Variants in NTN5 observed in about 807,000 individuals in gnomAD.
NTN5 encodes netrin 5.
A neutral mutation model predicts 38.7 loss-of-function variants in NTN5; 42 were observed. That is an observed-to-expected ratio of 1.08 (90% confidence interval 0.85 to 1.40). NTN5 has a LOEUF of 1.40. Ranked by LOEUF, NTN5 falls within the 40% of genes most tolerant of loss-of-function variation. NTN5 has a pLI of 0.00. For missense variants in NTN5, 658 were observed against 716.5 expected, an observed-to-expected ratio of 0.92 and a Z score of 0.93; for synonymous variants, 329 against 303.9, an observed-to-expected ratio of 1.08 and a Z score of -0.86.
intron 2 of NTN5, chr19:48,667,376 G>T (rs1162359220): frequency 1.7e-5 from 7 of 424,036 alleles, no homozygotes; most frequent in Middle Eastern, 3.4e-4. Context: ...TGCTCAGTCT[G>T]GGGGGATGTG....
At chr19:48,666,853 T>A (rs1251300285) in intron 2 of NTN5, among the ~76,000 whole-genome samples, 1 of 151,584 alleles carries the variant, frequency 6.6e-6, no homozygotes, top group Admixed American at 6.6e-5. Context: ...CAGGCTACTT[T>A]AAAATTTTTT....
chr19:48,670,520 C>A lies in NTN5; in HGVS notation c.467G>T (p.Arg156Leu). The change falls in exon 2 of 7, where the codon CGC (arginine) becomes CTC (leucine). Residue 156 changes from arginine (R) to leucine (L), a missense_variant. Transcript: ENST00000270235. ...GGCAGCGTGGCCATGACACTGGCAG[C>A]GGCCTCTCAGCCCAGCTGCCGCTAG... ...AGLAAAGLRG[R>L]CQCHGHAARC... 1.3e-6 allele frequency: 2 copies of A among 1,486,128 alleles called. No individual in the cohort carries two copies. Among genetic ancestry groups the A allele is most frequent in the Middle Eastern group, 2.2e-4 (1 of 4,448 alleles). The allele number at this position is 1,486,128 out of a possible 1,614,324, so 92.1% of individuals were successfully genotyped here. A position where few individuals can be genotyped will look rare whatever the true frequency, so the allele number is the denominator to read the frequency against.
intron 2 of NTN5, among the ~76,000 whole-genome samples, chr19:48,669,147 T>TCAC (rs1367433050): frequency 9.3e-5 from 7 of 75,360 alleles, no homozygotes; most frequent in East Asian, 4.7e-4. Context: ...ATCACCATCA[T>TCAC]CACCACCATC....
chr19:48,672,910 G>A (rs948257572), intron 1 of NTN5, 22 bp downstream of exon 1: 3 of 219,116 alleles, frequency 1.4e-5, no homozygotes, highest in African/African-American at 7.0e-5. Context: ...CCCGAGCCCT[G>A]AGGCCCCGAC....
At chr19:48,669,798 T>TCACCACCATCAC (rs2031878302) in intron 2 of NTN5, among the ~76,000 whole-genome samples, 1 of 52,450 alleles carries the variant, frequency 1.9e-5, no homozygotes, top group Non-Finnish European at 3.9e-5. Context: ...ACCATCACCA[T>TCACCACCATCAC]CACCACCATC....
rs535074973 is a variant in NTN5, at chr19:48,670,843, G to A, written c.144C>T (p.Ala48=). 1.2e-6 allele frequency: 2 copies of A among 1,612,978 alleles called. No individual in the cohort carries two copies. Among genetic ancestry groups the A allele is most frequent in the Non-Finnish European group, 1.7e-6 (2 of 1,179,926 alleles). The change falls in exon 2 of 7, where the codon GCC becomes GCT. Residue 48 remains alanine, a synonymous_variant. Transcript: ENST00000270235. ...CGCCAAGGTGGTTTCCTGGGGACAG[G>A]GCACAGGCCTGAGGGCAGGAGGCCG... ...AVAASCPQAC[A]LSPGNHLGAR...
chr19:48,664,457 C>G (rs1243886962), intron 3 of NTN5, 122 bp downstream of exon 3: 6 of 1,214,378 alleles, frequency 4.9e-6, no homozygotes, highest in Non-Finnish European at 6.7e-6. Flanking sequence ...GGCCCAGAGT[C>G]CAGGCCCCCA....
Position 48,661,504 on chromosome 19 carries a change from G to A in NTN5, c.*173C>T. ...AATGTTGGGACCAGAAGTCCCGCTT[G>A]CCGCCTTTTGCTAAAAGTTCCGCAC... On this transcript the variant is annotated 3_prime_UTR_variant, in exon 7 of 7. Transcript: ENST00000270235. The A allele has an allele frequency of 1.4e-6, 1 of 701,598 alleles. No homozygotes were observed. The highest frequency in any genetic ancestry group is 2.1e-6 in the Non-Finnish European group (1 of 487,360). 43.5% of individuals were successfully genotyped at this position (701,598 alleles called of 1,614,324 possible). A position where few individuals can be genotyped will look rare whatever the true frequency, so the allele number is the denominator to read the frequency against.
At chr19:48,666,677 C>CTT (rs35638493) in intron 2 of NTN5, among the ~76,000 whole-genome samples, 7 of 41,162 alleles carry the variant, frequency 1.7e-4, no homozygotes, top group Admixed American at 3.2e-4. Context: ...ACAGACCACT[C>CTT]TTTTTTTTTT....
At chr19:48,663,673 G>C (rs1220713484) in intron 5 of NTN5, 88 bp downstream of exon 5, 1 of 1,513,364 alleles carries the variant, frequency 6.6e-7, no homozygotes, top group Non-Finnish European at 9.2e-7. Flanking sequence ...GGCTCAATGG[G>C]TGACCCATGT....
rs1192164689 is a variant in NTN5, at chr19:48,670,727, G to T, written c.260C>A (p.Pro87His). ...GGCAGCAGACAGGATGAGGGCTGGG[G>T]GTCCTGGGGTACAGAAGCGCAAGCT... is the stretch of plus-strand genomic sequence containing the variant. ...SVSLRFCTPG[P>H]PALILSAAWA... Residue 87 changes from proline to histidine, a missense_variant, in exon 2 of 7, where the codon CCC becomes CAC. By Grantham distance (77) the Pro-to-His change is moderately conservative (BLOSUM62 -2). Coordinates refer to ENST00000270235, the MANE Select transcript of NTN5 (RefSeq NM_145807.4). 3 of 1,612,824 alleles carry T rather than the reference G, an allele frequency of 1.9e-6. No homozygotes were observed. The highest frequency in any genetic ancestry group is 1.6e-4 in the Middle Eastern group (1 of 6,062).
In NTN5 at chr19:48,670,913, C is replaced by T. The variant is rs139966788; in HGVS notation, c.74G>A (p.Arg25His). ...TADPCYDPQG[R>H]PQFCLPPVTQ... ...CACTGGCGGGAGGCAGAATTGGGGG[C>T]GGCCCTGTGGATCGTAGCATGGGTC... Residue 25 changes from arginine (R) to histidine (H), a missense_variant, in exon 2 of 7, where the codon CGC becomes CAC. By Grantham distance (29) the Arg-to-His change is conservative. Coordinates refer to ENST00000270235, the MANE Select transcript of NTN5 (RefSeq NM_145807.4). The T allele has an allele frequency of 4.4e-5, 71 of 1,601,624 alleles. No homozygotes were observed. The African/African-American group carries it at 7.8e-4, about 17-fold the overall frequency.
chr19:48,672,151 C>A (rs11881024), intron 1 of NTN5, among the ~76,000 whole-genome samples: 1 of 151,994 alleles, frequency 6.6e-6, no homozygotes, highest in Non-Finnish European at 1.5e-5. Context: ...ATGTTGGGGG[C>A]GGTGGGTAAT....
intron 6 of NTN5, 25 bp downstream of exon 6, chr19:48,663,438 A>G: frequency 6.2e-7 from 1 of 1,602,346 alleles, no homozygotes. Context: ...TGTAGCCTTC[A>G]GCTGTCTGTC....
intron 2 of NTN5, among the ~76,000 whole-genome samples, chr19:48,668,978 C>T (rs1213290106): frequency 6.7e-6 from 1 of 150,044 alleles, no homozygotes; most frequent in Non-Finnish European, 1.5e-5. Flanking sequence ...CCACCATCAT[C>T]ACCACTATCA....
At chr19:48,669,775 CCATCA>C (rs2031875339) in intron 2 of NTN5, among the ~76,000 whole-genome samples, 1 of 132,532 alleles carries the variant, frequency 7.5e-6, no homozygotes, top group Non-Finnish European at 1.7e-5. Flanking sequence ...ACTACCATCA[CCATCA>C]CACCACCACC....
chr19:48,662,872 A>T (rs1210130787), intron 6 of NTN5: 1 of 192,250 alleles, frequency 5.2e-6, no homozygotes, highest in Non-Finnish European at 1.1e-5. Flanking sequence ...GGCCTAGAAC[A>T]CTAGTGACCA....
At chr19:48,669,070 CCACTATCACCAT>C (rs2031786337) in intron 2 of NTN5, among the ~76,000 whole-genome samples, 3 of 127,586 alleles carry the variant, frequency 2.4e-5, no homozygotes, top group African/African-American at 9.5e-5. Context: ...ACCACCACCA[CCACTATCACCAT>C]CATCACCACC....
chr19:48,664,140 T>TA lies in NTN5; in HGVS notation c.970+2dup, dbSNP rs746039467. The TA allele has an allele frequency of 1.0e-5, 16 of 1,603,010 alleles. No individual in the cohort carries two copies. Among genetic ancestry groups the TA allele is most frequent in the South Asian group, 3.4e-5 (3 of 89,356 alleles). On this transcript the variant is annotated splice_region_variant and intron_variant, in intron 4 of 6. Transcript: ENST00000270235. ...GCTTGTGGCCTGGCCCCTCAAGACT[T>TA]ACGCTGGCAGGGCATCCTGGGGGAG...
Sources: allele counts gnomAD v4.1 joint callset (sites outside exome capture counted in the v4.1 genomes callset), GRCh38; gene constraint gnomAD v4.1.1; transcripts MANE v1.5; gene names NCBI Gene and HGNC (gene_info 2026-07-23, HGNC 2026-07-21).